The following NUTM2F variants were observed in gnomAD, a reference collection of about 807,000 sequenced individuals.
NUTM2F encodes family with sequence similarity 22, member F.
In NUTM2F, 22 loss-of-function variants were observed where a neutral mutation model predicts 43.3. The ratio of observed to expected loss-of-function variants is 0.51; its 90% CI spans 0.36 to 0.73. The LOEUF is 0.73. NUTM2F is among the 30% of genes least tolerant of loss of function. NUTM2F has a pLI of 0.00. For synonymous variants in NUTM2F, 202 were observed against 389.0 expected, an observed-to-expected ratio of 0.52 and a Z score of 5.66; for missense variants, 488 against 927.4, an observed-to-expected ratio of 0.53 and a Z score of 6.15.
At chr9:94,322,117 C>A in intron 3 of NUTM2F, 84 bp downstream of exon 3, 1 of 1,567,864 alleles carries the variant, frequency 6.4e-7, no homozygotes, top group Non-Finnish European at 8.7e-7. Flanking sequence ...ATGCTCCATG[C>A]TGAGAAGCCA....
chr9:94,319,819 G>C (rs1248748443), intron 5 of NUTM2F, 90 bp from the exon 6 acceptor site: 10 of 1,572,934 alleles, frequency 6.4e-6, no homozygotes, highest in Admixed American at 3.3e-5. Context: ...AAGCGGGGAG[G>C]GCCCCATTCC....
chr9:94,319,825 A>G, intron 5 of NUTM2F, 96 bp from the exon 6 acceptor site: 2 of 1,520,988 alleles, frequency 1.3e-6, no homozygotes, highest in Admixed American at 1.7e-5. Flanking sequence ...GGAGGGCCCC[A>G]TTCCCACCCT....
In NUTM2F at chr9:94,319,061, G is replaced by T. The variant is rs756430518; in HGVS notation, c.1675C>A (p.Pro559Thr). The change falls in exon 7 of 7, where the codon CCT becomes ACT. Residue 559 changes from proline (P) to threonine (T), a missense_variant. By Grantham distance (38) the Pro-to-Thr change is conservative. Transcript: ENST00000253262. Reference protein sequence around the residue: ...TSPPQTAAQDPQGQGRVRTGM... With the variant: ...TSPPQTAAQDTQGQGRVRTGM... ...GTGCGCACTCTGCCCTGTCCCTGAG[G>T]GTCCTGGGCAGCTGTCTGGGGTGGG... 3.7e-4 allele frequency: 353 copies of T among 961,922 alleles called. 2 individuals carry two copies. The highest frequency in any genetic ancestry group is 1.4e-3 in the Middle Eastern group (5 of 3,610). The allele number at this position is 961,922 out of a possible 1,614,324, so 59.6% of individuals were successfully genotyped here.
rs1341318068 is a variant in NUTM2F at position 94,325,796 on chromosome 9, C to T, written c.155G>A (p.Gly52Asp). Residue 52 changes from glycine (G) to aspartate (D), a missense_variant, in exon 2 of 7, where the codon GGC becomes GAC. Transcript: ENST00000253262. ...GGGGAAGGCAGAGAGCACCAGAGGG[C>T]CGGCTGGAGGAACCACTGCAGTCAC... ...PLVTAVVPPA[G>D]PLVLSAFPST... The T allele has an allele frequency of 6.2e-7, 1 of 1,612,142 alleles. No individual in the cohort carries two copies. Among genetic ancestry groups the T allele is most frequent in the African/African-American group, 1.3e-5 (1 of 74,998 alleles).
In NUTM2F at chr9:94,320,361, C is replaced by T. The variant is rs756472117; in HGVS notation, c.1215G>A (p.Leu405=). The T allele has an allele frequency of 1.2e-6, 2 of 1,613,526 alleles. No homozygotes were observed. Among genetic ancestry groups the T allele is most frequent in the Non-Finnish European group, 1.7e-6 (2 of 1,179,826 alleles). ...CTGTGTCCCCAGGGTGAGACCCCAG[C>T]AGCTCCTCCATGATGTCCACATACT... ...VQEYVDIMEE[L]LGSHPGDTGE... The change falls in exon 5 of 7, where the codon CTG becomes CTA. Residue 405 remains leucine (L), a synonymous_variant. Coordinates refer to ENST00000253262, the MANE Select transcript of NUTM2F (RefSeq NM_017561.2). The surrounding 1 kb of genome is among the most constrained non-coding windows in gnomAD (Gnocchi z 4.5).
chr9:94,322,168 A>G (rs375216960), intron 3 of NUTM2F, 33 bp downstream of exon 3: 1 of 1,611,518 alleles, frequency 6.2e-7, no homozygotes, highest in South Asian at 1.1e-5. Flanking sequence ...TCACCCCGCC[A>G]CACGGGCCCT....
chr9:94,324,311 A>C (rs1205428321), intron 2 of NUTM2F, among the ~76,000 whole-genome samples: 2 of 151,534 alleles, frequency 1.3e-5, no homozygotes, highest in African/African-American at 2.4e-5. Context: ...ACCGTGGCTC[A>C]TGTCACACCA....
Position 94,320,996 on chromosome 9 carries a change from C to T in NUTM2F, c.982+97G>A. 1 of 1,479,222 alleles carries T rather than the reference C, an allele frequency of 6.8e-7. No homozygotes were observed. The highest frequency in any genetic ancestry group is 8.9e-7 in the Non-Finnish European group (1 of 1,121,214). The allele number at this position is 1,479,222 out of a possible 1,614,324, so 91.6% of individuals were successfully genotyped here. ...AGCTGTCCTGTTGGAGGGAGCAAAT[C>T]CCCCTCTTGAAGGGAAGCATGGGGT... On this transcript the variant is annotated intron_variant, in intron 4 of 6. Transcript: ENST00000253262. This position sits in a 1 kb window ranked among gnomAD's most constrained non-coding sequence, Gnocchi z 4.5.
chr9:94,321,013 G>A (rs1831356573), intron 4 of NUTM2F, 80 bp downstream of exon 4: 7 of 1,502,294 alleles, frequency 4.7e-6, no homozygotes, highest in Non-Finnish European at 6.2e-6. Context: ...TTGAAGGGAA[G>A]CATGGGGTGT....
At chr9:94,324,918 C>T (rs373424287) in intron 2 of NUTM2F, among the ~76,000 whole-genome samples, 16 of 139,118 alleles carry the variant, frequency 1.2e-4, no homozygotes, top group East Asian at 6.3e-4. Context: ...ACCCGGGAGG[C>T]GGAGGTTGTG....
chr9:94,322,262 T>C lies in NUTM2F; in HGVS notation c.781A>G (p.Met261Val), dbSNP rs371026938. Reference protein sequence around the residue: ...MTLEEGLWQAMREWQHTSNFD... With the variant: ...MTLEEGLWQAVREWQHTSNFD... The stretch of plus-strand genomic sequence containing the variant: ...TTGCTCGTGTGCTGCCATTCCCGCA[T>C]GGCCTGCCACAGTCCCTCCTCCAGC... Residue 261 changes from methionine to valine, a missense_variant, in exon 3 of 7, where the codon ATG (methionine) becomes GTG (valine). By Grantham distance (21) the Met-to-Val change is conservative. Transcript: ENST00000253262. 96 of 1,612,084 alleles carry C rather than the reference T, an allele frequency of 6.0e-5. No homozygotes were observed. In the East Asian group the frequency reaches 1.8e-3, roughly 31 times the overall value.
At chr9:94,321,281 C>A in intron 3 of NUTM2F, 49 bp from the exon 4 acceptor site, 1 of 1,548,748 alleles carries the variant, frequency 6.5e-7, no homozygotes, top group African/African-American at 1.4e-5. Flanking sequence ...CAGGCCCCCT[C>A]CCCCCAGGAC....
Position 94,325,353 on chromosome 9 carries a change from A to AG in NUTM2F, c.597dup (p.Ser200LeufsTer3). 1 of 995,566 alleles carries AG rather than the reference A, an allele frequency of 1.0e-6. No individual in the cohort carries two copies. The highest frequency in any genetic ancestry group is 1.7e-5 in the South Asian group (1 of 58,892). 61.7% of individuals were successfully genotyped at this position (995,566 alleles called of 1,614,324 possible). ...TCATAGACACTCTTGGGTTTACAGG[A>AG]GTCGTCCGGCCGGGCCTTGGCCTGG... On this transcript the variant is annotated frameshift_variant, in exon 2 of 7. Transcript: ENST00000253262. LOFTEE classifies it high-confidence loss of function.
In NUTM2F at chr9:94,318,698, A is replaced by G. The variant is rs767280164; in HGVS notation, c.2038T>C (p.Ser680Pro). The part of the protein sequence containing the change: ...RGPQGALQSP[S>P]AQKRGLSPSP... ...GGGCTGAGGCCTCTTTTCTGAGCAG[A>G]TGGAGACTGAAGAGCTCCCTGGGGT... The change falls in exon 7 of 7, where the codon TCT (serine) becomes CCT (proline). Residue 680 changes from serine (S) to proline (P), a missense_variant. By Grantham distance (74) the Ser-to-Pro change is moderately conservative. Coordinates refer to ENST00000253262, the MANE Select transcript of NUTM2F (RefSeq NM_017561.2). The G allele has an allele frequency of 3.1e-6, 5 of 1,606,830 alleles. No individual in the cohort carries two copies. The South Asian group carries it at 5.5e-5, about 18-fold the overall frequency.
chr9:94,325,137 C>T, intron 2 of NUTM2F, 101 bp downstream of exon 2: 1 of 775,484 alleles, frequency 1.3e-6, no homozygotes. Context: ...ACCCTCACAA[C>T]CGCCCTGCAA....
At position 94,325,923 on chromosome 9, in the gene NUTM2F, G is replaced by T; in HGVS notation, c.28C>A (p.Leu10Met). MASNGAYPV[L>M]GPGVTVNPGT... is the part of the protein sequence containing the mutation. ...GGGTTCACGGTCACGCCGGGTCCCA[G>T]CACTGGGTATGCTGTGGAGACAAAG... Residue 10 changes from leucine to methionine, a missense_variant, in exon 2 of 7, where the codon CTG becomes ATG. Physicochemically the swap from Leu to Met is conservative, Grantham distance 15 (BLOSUM62 2). Coordinates refer to ENST00000253262, the MANE Select transcript of NUTM2F (RefSeq NM_017561.2). The T allele has an allele frequency of 6.2e-7, 1 of 1,611,772 alleles. No homozygotes were observed. The highest frequency in any genetic ancestry group is 8.5e-7 in the Non-Finnish European group (1 of 1,179,790).
At chr9:94,323,537 G>C (rs1831406555) in intron 2 of NUTM2F, among the ~76,000 whole-genome samples, 1 of 152,264 alleles carries the variant, frequency 6.6e-6, no homozygotes, top group African/African-American at 2.4e-5. Flanking sequence ...GGTGCACTCA[G>C]AGCTATCACT....
intron 2 of NUTM2F, among the ~76,000 whole-genome samples, chr9:94,324,195 A>T (rs1831418972): frequency 6.7e-6 from 1 of 150,098 alleles, no homozygotes; most frequent in African/African-American, 2.5e-5. Flanking sequence ...GCTTGAACCT[A>T]GGAGGCAGAG....
chr9:94,325,673 T>C lies in NUTM2F; in HGVS notation c.278A>G (p.Lys93Arg). The change falls in exon 2 of 7, where the codon AAG becomes AGG. Residue 93 changes from lysine to arginine, a missense_variant. Physicochemically the swap from Lys to Arg is conservative, Grantham distance 26 (BLOSUM62 2). Transcript: ENST00000253262. ...VQMRTEVGPV[K>R]PPQAQTLILT... ...GATCAAGGTCTGTGCCTGAGGGGGC[T>C]TCACAGGCCCCACTTCTGTCCTCAT... 1 of 1,610,694 alleles carries C rather than the reference T, an allele frequency of 6.2e-7. No homozygotes were observed. Among genetic ancestry groups the C allele is most frequent in the Non-Finnish European group, 8.5e-7 (1 of 1,179,656 alleles).
Sources: gnomAD v4.1 joint callset for allele counts (sites outside exome capture counted in the v4.1 genomes callset) on GRCh38, gnomAD v4.1.1 for gene constraint, Gnocchi (gnomAD v3.1) non-coding constraint, MANE v1.5 for transcripts, NCBI Gene and HGNC (gene_info 2026-07-23, HGNC 2026-07-21) for gene names.